TNRC6A: variants seen among roughly 807,000 people sequenced by gnomAD.
TNRC6A encodes trinucleotide repeat-containing gene 6A protein.
Under a neutral mutation model 221.2 loss-of-function variants are expected in TNRC6A, and 44 were observed. The ratio of observed to expected loss-of-function variants is 0.20; its 90% CI spans 0.16 to 0.26. The LOEUF (loss-of-function observed/expected upper bound fraction) is 0.26, where lower values mean the gene tolerates loss of function less well. Ranked by LOEUF, TNRC6A falls within the 10% of genes least tolerant of loss-of-function variation. TNRC6A has a pLI of 1.00. For missense variants in TNRC6A, 2,199 were observed against 2,404.4 expected, an observed-to-expected ratio of 0.91 and a Z score of 1.79; for synonymous variants, 847 against 838.5, an observed-to-expected ratio of 1.01 and a Z score of -0.18.
intron 11 of TNRC6A, among the ~76,000 whole-genome samples, chr16:24,802,739 T>A (rs540795803): frequency 1.3e-5 from 2 of 152,312 alleles, no homozygotes; most frequent in Non-Finnish European, 2.9e-5. Context: ...GTCAAAAGAC[T>A]GAGACCCTGA....
chr16:24,765,016 AT>A lies in TNRC6A; in HGVS notation c.163+6661del, dbSNP rs376208683. The stretch of plus-strand genomic sequence containing the variant: ...ATACTTTATTGTACTGTTCTCGCCT[AT>A]TTTTGTACTGTGGCTGACCATGGGG... On this transcript the variant is annotated intron_variant, in intron 4 of 24. Coordinates refer to ENST00000395799, the MANE Select transcript of TNRC6A (RefSeq NM_014494.4). Among the ~76,000 whole-genome samples, 93 of 152,240 alleles carry A rather than the reference AT, an allele frequency of 6.1e-4. 1 individual carries two copies. The East Asian group carries it at 0.016, about 26-fold the overall frequency.
chr16:24,769,746 T>C (rs539269329), intron 4 of TNRC6A, among the ~76,000 whole-genome samples: 1 of 152,350 alleles, frequency 6.6e-6, no homozygotes, highest in East Asian at 1.9e-4. Flanking sequence ...TTACTTACTC[T>C]TCCTCTTGAT....
At chr16:24,797,879 T>G in intron 10 of TNRC6A, 36 bp from the exon 11 acceptor site, 1 of 1,555,044 alleles carries the variant, frequency 6.4e-7, no homozygotes, top group Non-Finnish European at 8.7e-7. Flanking sequence ...ATTGATAAAT[T>G]AAGGTCTGCT....
intron 19 of TNRC6A, 113 bp from the exon 20 acceptor site, chr16:24,816,703 T>C (rs2058665888): frequency 3.2e-6 from 4 of 1,250,410 alleles, no homozygotes; most frequent in East Asian, 2.4e-5. Context: ...TTAGTGTAAA[T>C]TGGAAAGTAT....
intron 3 of TNRC6A, among the ~76,000 whole-genome samples, chr16:24,751,277 A>G (rs1012893281): frequency 2.0e-5 from 3 of 152,164 alleles, no homozygotes; most frequent in Non-Finnish European, 4.4e-5. Flanking sequence ...ATACAGAAAT[A>G]GAGTATTAAA....
chr16:24,708,823 A>G (rs1207497967), intron 2 of TNRC6A, among the ~76,000 whole-genome samples: 1 of 152,196 alleles, frequency 6.6e-6, no homozygotes, highest in Admixed American at 6.6e-5. Context: ...TGCAAAAGAC[A>G]TTATTTTGTT....
At chr16:24,680,331 G>A (rs1268400306) in intron 2 of TNRC6A, among the ~76,000 whole-genome samples, 1 of 151,772 alleles carries the variant, frequency 6.6e-6, no homozygotes, top group Non-Finnish European at 1.5e-5. Flanking sequence ...TGAGGAGGGA[G>A]GATTGCTTGA....
At chr16:24,813,343 C>T (rs2058588720) in intron 18 of TNRC6A, among the ~76,000 whole-genome samples, 2 of 152,200 alleles carry the variant, frequency 1.3e-5, no homozygotes, top group Admixed American at 6.5e-5. Context: ...TTGCCACCCT[C>T]CCCACTTGTG....
Position 24,729,770 on chromosome 16 carries a change from G to A in TNRC6A, c.-72G>A. On this transcript the variant is annotated 5_prime_UTR_variant, in exon 1 of 25. Coordinates refer to ENST00000395799, the MANE Select transcript of TNRC6A (RefSeq NM_014494.4). ...GGTGCAGCGGCTCGGGCCTCTCCCC[G>A]CGGCGCTGCGGAGGGCTTGAGGCTC... 7.3e-7 allele frequency: 1 copy of A among 1,371,444 alleles called. No individual in the cohort carries two copies. 85.0% of individuals were successfully genotyped at this position (1,371,444 alleles called of 1,614,324 possible).
intron 2 of TNRC6A, among the ~76,000 whole-genome samples, chr16:24,734,269 G>A (rs1441238275): frequency 6.6e-6 from 1 of 152,174 alleles, no homozygotes; most frequent in Admixed American, 6.5e-5. Flanking sequence ...AGGTGTCAGA[G>A]GAGTCAAAAA....
chr16:24,661,363 G>A (rs1227018453), intron 2 of TNRC6A: 1 of 151,928 alleles, frequency 6.6e-6, no homozygotes, highest in Non-Finnish European at 1.5e-5. Flanking sequence ...CCAAAGTCAG[G>A]TTTTGCCTTT....
At chr16:24,743,997 A>C (rs945593993) in intron 2 of TNRC6A, among the ~76,000 whole-genome samples, 1 of 152,174 alleles carries the variant, frequency 6.6e-6, no homozygotes, top group Non-Finnish European at 1.5e-5. Flanking sequence ...CACAAGTAGC[A>C]TTTAGTTTTC....
At chr16:24,681,497 G>A (rs571744406) in intron 2 of TNRC6A, among the ~76,000 whole-genome samples, 2 of 152,372 alleles carry the variant, frequency 1.3e-5, no homozygotes, top group East Asian at 3.9e-4. Context: ...CAGAATGCTA[G>A]GATTGCAGGC....
At chr16:24,684,838 T>C (rs2055596550) in intron 2 of TNRC6A, among the ~76,000 whole-genome samples, 2 of 152,108 alleles carry the variant, frequency 1.3e-5, no homozygotes, top group Admixed American at 6.6e-5. Context: ...CATTTTTAGT[T>C]CAAGGCCCAC....
At chr16:24,796,176 TAAGG>T (rs1233608129) in intron 9 of TNRC6A, 6 of 441,912 alleles carry the variant, frequency 1.4e-5, no homozygotes, top group Non-Finnish European at 2.0e-5. Flanking sequence ...TGGGATGTGT[TAAGG>T]AAGATAGTAG....
Position 24,822,154 on chromosome 16 carries a change from A to G in TNRC6A, c.5373+7A>G. 2 of 1,613,430 alleles carry G rather than the reference A, an allele frequency of 1.2e-6. No homozygotes were observed. Among genetic ancestry groups the G allele is most frequent in the Non-Finnish European group, 1.7e-6 (2 of 1,179,400 alleles). On this transcript the variant is annotated splice_region_variant and intron_variant, in intron 23 of 24. Coordinates refer to ENST00000395799, the MANE Select transcript of TNRC6A (RefSeq NM_014494.4). ...AAAAAACCTTACACCTCAGGTAAGG[A>G]TACCAGATACGCTGGTTTATGTGGC...
intron 1 of TNRC6A, among the ~76,000 whole-genome samples, chr16:24,635,565 G>A (rs538997901): frequency 1.3e-5 from 2 of 152,244 alleles, no homozygotes; most frequent in South Asian, 4.1e-4. Flanking sequence ...TTGCAGGCAC[G>A]AGCCACCACA....
At chr16:24,820,067 A>G in intron 21 of TNRC6A, 72 bp from the exon 22 acceptor site, 11 of 1,385,040 alleles carry the variant, frequency 7.9e-6, no homozygotes, top group Non-Finnish European at 1.1e-5. Flanking sequence ...GGGAGAATGG[A>G]TGTCATTATT....
rs1294396439 is a variant in TNRC6A at position 24,826,184 on chromosome 16, G to C, written c.*2377G>C. The C allele has an allele frequency of 6.6e-6, 1 of 152,506 alleles. No homozygotes were observed. Among genetic ancestry groups the C allele is most frequent in the African/African-American group, 2.4e-5 (1 of 41,404 alleles). 9.4% of individuals were successfully genotyped at this position (152,506 alleles called of 1,614,324 possible). ...GTTAAAGTGTTTGGGAGTTTTTTGCGCTTGTTATGTGGAAATAAAGTGTTT... is the reference window on the plus strand; with the variant it reads ...GTTAAAGTGTTTGGGAGTTTTTTGCCCTTGTTATGTGGAAATAAAGTGTTT... On this transcript the variant is annotated 3_prime_UTR_variant, in exon 25 of 25. Coordinates refer to ENST00000395799, the MANE Select transcript of TNRC6A (RefSeq NM_014494.4).
Sources: gnomAD v4.1 joint callset for allele counts (sites outside exome capture counted in the v4.1 genomes callset) on GRCh38, gnomAD v4.1.1 for gene constraint, MANE v1.5 for transcripts, NCBI Gene and HGNC (gene_info 2026-07-23, HGNC 2026-07-21) for gene names.